Variants in VPS54 observed in about 807,000 individuals in gnomAD.
VPS54 encodes VPS54 subunit of GARP complex, also known as vacuolar protein sorting-associated protein 54.
In VPS54, 45 loss-of-function variants were observed where a neutral mutation model predicts 121.5. The observed-to-expected ratio is 0.37, with a 90% CI of 0.29 to 0.47. The LOEUF (loss-of-function observed/expected upper bound fraction) is 0.47. VPS54 is among the 20% of genes least tolerant of loss of function. The pLI is 0.99. For missense variants in VPS54, 1,090 were observed against 1,131.4 expected, an observed-to-expected ratio of 0.96 and a Z score of 0.52; for synonymous variants, 371 against 385.8, an observed-to-expected ratio of 0.96 and a Z score of 0.45.
chr2:63,943,616 G>A (rs1213241469), intron 10 of VPS54, among the ~76,000 whole-genome samples: 1 of 152,040 alleles, frequency 6.6e-6, no homozygotes, highest in African/African-American at 2.4e-5. Context: ...ATCTAAGCCA[G>A]CTAAAAACAT....
intron 3 of VPS54, among the ~76,000 whole-genome samples, chr2:63,980,372 G>C (rs904839948): frequency 1.3e-5 from 2 of 151,796 alleles, no homozygotes; most frequent in African/African-American, 4.8e-5. Flanking sequence ...GCATATACTT[G>C]GGTCATCAGA....
chr2:63,921,070 C>T (rs1478750260), intron 13 of VPS54, 136 bp downstream of exon 13: 2 of 857,468 alleles, frequency 2.3e-6, no homozygotes, highest in Non-Finnish European at 3.3e-6. Flanking sequence ...TAGTAGACCA[C>T]ATCAGTGGTA....
chr2:63,974,430 G>C (rs902382962), intron 3 of VPS54, among the ~76,000 whole-genome samples: 1 of 152,106 alleles, frequency 6.6e-6, no homozygotes, highest in African/African-American at 2.4e-5. Flanking sequence ...GCTATTCTGG[G>C]TCTTTTTCTA....
In VPS54 at chr2:63,985,865, A is replaced by C. The variant is rs544777149; in HGVS notation, c.-20-1846T>G. Among the ~76,000 whole-genome samples, 42 of 152,338 alleles carry C rather than the reference A, an allele frequency of 2.8e-4. 1 individual carries two copies. The highest frequency in any genetic ancestry group is 9.1e-4 in the African/African-American group (38 of 41,576). ...ATTTATATCCACACACATTAAGTGTATGGTTGTTTCTGTATAAAAGTTTAC... is the reference window on the plus strand; with the variant it reads ...ATTTATATCCACACACATTAAGTGTCTGGTTGTTTCTGTATAAAAGTTTAC... On this transcript the variant is annotated intron_variant, in intron 1 of 22. Coordinates refer to ENST00000272322, the MANE Select transcript of VPS54 (RefSeq NM_016516.3).
At chr2:63,948,247 G>A (rs1013720237) in intron 8 of VPS54, among the ~76,000 whole-genome samples, 1 of 149,058 alleles carries the variant, frequency 6.7e-6, no homozygotes, top group African/African-American at 2.4e-5. Flanking sequence ...CAGGGTTTCT[G>A]GGATTTTTTA....
At chr2:63,927,320 C>T (rs967501789) in intron 12 of VPS54, among the ~76,000 whole-genome samples, 1 of 152,190 alleles carries the variant, frequency 6.6e-6, no homozygotes, top group African/African-American at 2.4e-5. Flanking sequence ...AAGGATCAGG[C>T]AGCAATATTT....
At chr2:63,926,384 T>G (rs1328323853) in intron 12 of VPS54, among the ~76,000 whole-genome samples, 1 of 152,174 alleles carries the variant, frequency 6.6e-6, no homozygotes, top group Non-Finnish European at 1.5e-5. Context: ...GAAACTTTAT[T>G]AATATATAGC....
chr2:64,002,311 G>A (rs1022983832), intron 1 of VPS54, among the ~76,000 whole-genome samples: 1 of 152,176 alleles, frequency 6.6e-6, no homozygotes, highest in Non-Finnish European at 1.5e-5. Flanking sequence ...TTCTGTGAGT[G>A]CTCACCTGAT....
intron 1 of VPS54, among the ~76,000 whole-genome samples, chr2:64,008,401 G>A (rs1173698554): frequency 3.1e-4 from 40 of 128,566 alleles, no homozygotes; most frequent in South Asian, 1.5e-3. Flanking sequence ...GTGACAGAGC[G>A]CGACTCCGTC....
intron 1 of VPS54, among the ~76,000 whole-genome samples, chr2:63,991,966 T>C (rs1239444811): frequency 6.6e-6 from 1 of 152,224 alleles, no homozygotes; most frequent in Non-Finnish European, 1.5e-5. Context: ...TTGCCTTTAA[T>C]TGTCCCCACA....
intron 7 of VPS54, among the ~76,000 whole-genome samples, chr2:63,960,773 A>C (rs558527175): frequency 6.6e-6 from 1 of 152,236 alleles, no homozygotes; most frequent in Non-Finnish European, 1.5e-5. Context: ...AAATCCTTAT[A>C]ATTTCAAAGG....
chr2:63,957,841 T>A (rs956248673), intron 7 of VPS54, among the ~76,000 whole-genome samples: 1 of 152,106 alleles, frequency 6.6e-6, no homozygotes, highest in African/African-American at 2.4e-5. Context: ...CACATTAGAA[T>A]CTCCCAGAGA....
intron 3 of VPS54, among the ~76,000 whole-genome samples, chr2:63,980,240 A>C (rs1676746262): frequency 6.6e-6 from 1 of 152,138 alleles, no homozygotes; most frequent in Non-Finnish European, 1.5e-5. Flanking sequence ...TTGCTCTGAA[A>C]TCTACTTTGT....
At chr2:63,938,671 G>A (rs533672813) in intron 11 of VPS54, among the ~76,000 whole-genome samples, 5 of 152,230 alleles carry the variant, frequency 3.3e-5, no homozygotes, top group Admixed American at 3.3e-4. Flanking sequence ...CACCATGTTG[G>A]CCCGGCTGGT....
At chr2:63,991,580 G>A (rs779120339) in intron 1 of VPS54, among the ~76,000 whole-genome samples, 52 of 152,256 alleles carry the variant, frequency 3.4e-4, no homozygotes, top group Admixed American at 9.8e-4. Flanking sequence ...ACTTAAAAGC[G>A]GCCAAGCCGG....
chr2:63,908,687 TAACAGC>T (rs779008592), intron 20 of VPS54, among the ~76,000 whole-genome samples: 12 of 152,032 alleles, frequency 7.9e-5, no homozygotes, highest in Non-Finnish European at 1.8e-4. Flanking sequence ...TTATTATTAG[TAACAGC>T]AACAGCAAAA....
intron 1 of VPS54, among the ~76,000 whole-genome samples, chr2:64,007,180 C>T (rs1390709604): frequency 6.6e-6 from 1 of 152,124 alleles, no homozygotes; most frequent in African/African-American, 2.4e-5. Context: ...TCCTCATTGC[C>T]TTGCCACTAA....
rs752678682 is a variant in VPS54, at chr2:63,921,269, T to C, written c.1806A>G (p.Leu602=). 6.2e-7 allele frequency: 1 copy of C among 1,613,362 alleles called. No individual in the cohort carries two copies. The highest frequency in any genetic ancestry group is 8.5e-7 in the Non-Finnish European group (1 of 1,179,586). ...LGKLANNIQE[L]LYSASDICHD... ...GGCATATATCTGAGGCACTATATAA[T>C]AATTCCTGGATATTATTTGCCAGCT... is the stretch of plus-strand genomic sequence containing the variant. Residue 602 remains leucine, a synonymous_variant, in exon 13 of 23, where the codon TTA becomes TTG. Transcript: ENST00000272322.
intron 20 of VPS54, 108 bp from the exon 21 acceptor site, chr2:63,899,689 G>A: frequency 1.2e-6 from 1 of 865,546 alleles, no homozygotes; most frequent in Non-Finnish European, 1.8e-6. Flanking sequence ...TCCAATTCTG[G>A]CATAGTACTT....
Sources: gnomAD v4.1 joint callset for allele counts (sites outside exome capture counted in the v4.1 genomes callset) on GRCh38, gnomAD v4.1.1 for gene constraint, MANE v1.5 for transcripts, NCBI Gene and HGNC (gene_info 2026-07-23, HGNC 2026-07-21) for gene names.